DLG2: variants seen among roughly 807,000 people sequenced by gnomAD.
DLG2 encodes the protein disks large homolog 2.
A neutral mutation model predicts 132.5 loss-of-function variants in DLG2; 45 were observed. The observed-to-expected ratio is 0.34, with a 90% CI of 0.27 to 0.44. The LOEUF (loss-of-function observed/expected upper bound fraction) is 0.44. Among genes scored for constraint, DLG2 ranks in the 20% least tolerant of loss-of-function variants. The probability of loss-of-function intolerance (pLI) is 1.00; values close to 1 mark genes in which losing one functional copy is unlikely to be tolerated. For missense variants in DLG2, 1,045 were observed against 1,196.9 expected (o/e 0.87, Z 1.87); for synonymous variants, 424 against 419.6 (o/e 1.01, Z -0.13).
intron 7 of DLG2, among the ~76,000 whole-genome samples, chr11:84,505,191 A>G (rs564428725): frequency 6.6e-6 from 1 of 152,288 alleles, no homozygotes; most frequent in East Asian, 1.9e-4. Context: ...TAGCAATGCA[A>G]CAATGGTAGG....
At chr11:85,530,113 C>T (rs553618670) in intron 3 of DLG2, among the ~76,000 whole-genome samples, 48 of 150,928 alleles carry the variant, frequency 3.2e-4, no homozygotes, top group Non-Finnish European at 5.9e-4. Context: ...TCTCCTGCCT[C>T]AGCCTCCCAA....
chr11:84,121,086 T>C (rs1297004845), intron 9 of DLG2, among the ~76,000 whole-genome samples: 1 of 152,228 alleles, frequency 6.6e-6, no homozygotes, highest in African/African-American at 2.4e-5. Context: ...GAACACCTTC[T>C]CTTTACCTGG....
chr11:84,887,588 C>T (rs1484429234), intron 6 of DLG2, among the ~76,000 whole-genome samples: 9 of 152,080 alleles, frequency 5.9e-5, no homozygotes, highest in South Asian at 4.1e-4. Context: ...GACACATAAA[C>T]GTCCAGTCCA....
intron 6 of DLG2, among the ~76,000 whole-genome samples, chr11:84,995,294 G>C (rs1484197585): frequency 1.3e-5 from 2 of 152,122 alleles, no homozygotes; most frequent in African/African-American, 4.8e-5. Context: ...ATACCTCTGT[G>C]GGCTCTGGAG....
At position 84,162,413 on chromosome 11, in the gene DLG2, A is replaced by G. The variant is rs191031639; in HGVS notation, c.624+1048T>C. On this transcript the variant is annotated intron_variant, in intron 9 of 27. Transcript: ENST00000376104. ...TAATTTAATAATATAATCTAGGTAG[A>G]CCTTCTATCCTTGCAATTACATATT... 1.1e-4 allele frequency among the ~76,000 whole-genome samples: 16 copies of G among 151,724 alleles called. No individual in the cohort carries two copies. In the East Asian group the frequency reaches 2.3e-3, roughly 22 times the overall value.
intron 4 of DLG2, among the ~76,000 whole-genome samples, chr11:85,201,595 T>C (rs534074718): frequency 6.6e-6 from 1 of 152,218 alleles, no homozygotes; most frequent in Non-Finnish European, 1.5e-5. Context: ...ATAGTCAGTC[T>C]TCTTAGAGTC....
intron 4 of DLG2, among the ~76,000 whole-genome samples, chr11:85,223,664 AAAAG>A (rs1488644843): frequency 5.9e-5 from 9 of 152,030 alleles, no homozygotes; most frequent in Non-Finnish European, 1.2e-4. Context: ...TTGTTTTTTT[AAAAG>A]AAAGTCTAGA....
chr11:83,857,945 A>C (rs2060816837), intron 16 of DLG2, among the ~76,000 whole-genome samples: 1 of 152,224 alleles, frequency 6.6e-6, no homozygotes. Context: ...GGCACAAAGA[A>C]TATGATCAAT....
chr11:84,469,350 T>C (rs747196820), intron 7 of DLG2, among the ~76,000 whole-genome samples: 1 of 151,542 alleles, frequency 6.6e-6, no homozygotes, highest in African/African-American at 2.4e-5. Context: ...AAACAATCTA[T>C]ACCTATCCAT....
At chr11:85,332,021 G>T (rs1159227679) in intron 3 of DLG2, among the ~76,000 whole-genome samples, 1 of 152,112 alleles carries the variant, frequency 6.6e-6, no homozygotes, top group Admixed American at 6.6e-5. Flanking sequence ...ATTGTTTTAA[G>T]TTCTTTGAGA....
chr11:84,055,733 T>C (rs1043091095), intron 11 of DLG2, among the ~76,000 whole-genome samples: 1 of 152,080 alleles, frequency 6.6e-6, no homozygotes, highest in Non-Finnish European at 1.5e-5. Flanking sequence ...CACTATTTAA[T>C]TGGCACCCCC....
intron 6 of DLG2, among the ~76,000 whole-genome samples, chr11:84,932,421 T>C (rs1196194142): frequency 6.6e-6 from 1 of 152,160 alleles, no homozygotes; most frequent in Non-Finnish European, 1.5e-5. Flanking sequence ...TCCGGATACA[T>C]GTGCAGAACA....
chr11:83,767,129 T>A (rs1246131506), intron 18 of DLG2, among the ~76,000 whole-genome samples: 1 of 152,244 alleles, frequency 6.6e-6, no homozygotes, highest in African/African-American at 2.4e-5. Flanking sequence ...TGAAAAGTCC[T>A]ATTTGCCTTA....
chr11:85,364,240 C>A (rs1331729522), intron 3 of DLG2, among the ~76,000 whole-genome samples: 1 of 152,000 alleles, frequency 6.6e-6, no homozygotes, highest in Non-Finnish European at 1.5e-5. Context: ...GTCTATGCCC[C>A]CAACCATATT....
intron 6 of DLG2, among the ~76,000 whole-genome samples, chr11:85,023,956 G>A (rs1027084757): frequency 2.6e-5 from 4 of 151,938 alleles, no homozygotes; most frequent in African/African-American, 9.7e-5. Context: ...TTGTAGCTTC[G>A]CCACTCATAC....
At chr11:84,412,609 T>C (rs1369415970) in intron 7 of DLG2, among the ~76,000 whole-genome samples, 1 of 152,176 alleles carries the variant, frequency 6.6e-6, no homozygotes, top group Admixed American at 6.5e-5. Context: ...AATATGGACA[T>C]AAGACAAACA....
rs111239598 is a variant in DLG2 at position 85,613,868 on chromosome 11, T to C, written c.-93+12719A>G. The stretch of plus-strand genomic sequence containing the variant: ...ACTCTTTGGGTATGTGCCACCTTTA[T>C]GAGCTGTAACACACACTGTGAAGGT... On this transcript the variant is annotated intron_variant, in intron 2 of 27. Coordinates refer to ENST00000376104, the MANE Select transcript of DLG2 (RefSeq NM_001142699.3). Among the ~76,000 whole-genome samples, 213 of 152,324 alleles carry C rather than the reference T, an allele frequency of 1.4e-3. 2 individuals carry two copies. Among genetic ancestry groups the C allele is most frequent in the African/African-American group, 4.8e-3 (201 of 41,586 alleles).
chr11:85,397,868 A>G (rs2087571088), intron 3 of DLG2, among the ~76,000 whole-genome samples: 1 of 152,178 alleles, frequency 6.6e-6, no homozygotes, highest in Admixed American at 6.5e-5. Context: ...AGACAGATCA[A>G]TGAAAGAGGA....
chr11:83,648,787 T>G (rs1329554372), intron 18 of DLG2, among the ~76,000 whole-genome samples: 1 of 152,156 alleles, frequency 6.6e-6, no homozygotes, highest in East Asian at 1.9e-4. Flanking sequence ...TTTCCTGGTT[T>G]CAACATTGCA....
Sources: allele counts gnomAD v4.1 joint callset (sites outside exome capture counted in the v4.1 genomes callset), GRCh38; gene constraint gnomAD v4.1.1; transcripts MANE v1.5; gene names NCBI Gene and HGNC (gene_info 2026-07-23, HGNC 2026-07-21).